The following PDE8A variants were observed in gnomAD, a reference collection of about 807,000 sequenced individuals.
The protein encoded by PDE8A is high affinity cAMP-specific and IBMX-insensitive 3',5'-cyclic phosphodiesterase 8A.
Under a neutral mutation model 105.0 loss-of-function variants are expected in PDE8A, and 59 were observed. That is an observed-to-expected ratio of 0.56 (90% confidence interval 0.46 to 0.70). The LOEUF (loss-of-function observed/expected upper bound fraction) is 0.70. Ranked by LOEUF, PDE8A falls within the 30% of genes least tolerant of loss-of-function variation. The pLI, the probability that PDE8A is intolerant of heterozygous loss-of-function variation, is 0.00. For missense variants in PDE8A, 1,014 were observed against 1,045.9 expected, an observed-to-expected ratio of 0.97 and a Z score of 0.42; for synonymous variants, 355 against 371.9, an observed-to-expected ratio of 0.95 and a Z score of 0.52.
At position 85,113,395 on chromosome 15, in the gene PDE8A, A is replaced by G. The variant is rs2082047713; in HGVS notation, c.1133A>G (p.His378Arg). ...TCCACAGTTTCCAGCCAGAGACGAC[A>G]CTCTTCCATGGCCCGGATACATTCC... is the stretch of plus-strand genomic sequence containing the variant. ...RATEVSSQRR[H>R]SSMARIHSMT... is the part of the protein sequence containing the mutation. The change falls in exon 13 of 22, where the codon CAC (histidine) becomes CGC (arginine). Residue 378 changes from histidine to arginine, a missense_variant. Transcript: ENST00000394553. 6.2e-7 allele frequency: 1 copy of G among 1,613,586 alleles called. No homozygotes were observed. The highest frequency in any genetic ancestry group is 8.5e-7 in the Non-Finnish European group (1 of 1,179,852).
intron 9 of PDE8A, chr15:85,099,780 G>A: frequency 3.9e-6 from 2 of 516,522 alleles, no homozygotes; most frequent in Non-Finnish European, 6.8e-6. Flanking sequence ...ATTGTCTCAT[G>A]ATTAATTGGG....
chr15:85,079,774 A>G (rs955260723), intron 5 of PDE8A, among the ~76,000 whole-genome samples: 2 of 152,144 alleles, frequency 1.3e-5, no homozygotes, highest in Non-Finnish European at 2.9e-5. Flanking sequence ...TTACCCGGGC[A>G]TGGTGGCGCA....
intron 21 of PDE8A, 111 bp from the exon 22 acceptor site, chr15:85,137,686 C>T (rs2082434424): frequency 7.2e-6 from 5 of 698,476 alleles, no homozygotes; most frequent in Non-Finnish European, 7.6e-6. Flanking sequence ...GTCTGTTTAG[C>T]CTCACGCAGA....
At chr15:85,115,552 G>GA (rs1324322991) in intron 15 of PDE8A, 65 bp downstream of exon 15, 2 of 819,912 alleles carry the variant, frequency 2.4e-6, no homozygotes, top group Admixed American at 3.2e-5. Context: ...CTTAAGTGAT[G>GA]AAAATAATTT....
At chr15:85,064,105 C>A in intron 1 of PDE8A, 1 of 370,658 alleles carries the variant, frequency 2.7e-6, no homozygotes, top group Non-Finnish European at 4.8e-6. Flanking sequence ...CACTTAAAGT[C>A]ACATGTAGCT....
At chr15:85,067,508 T>C (rs1205134064) in intron 3 of PDE8A, among the ~76,000 whole-genome samples, 1 of 152,212 alleles carries the variant, frequency 6.6e-6, no homozygotes, top group Non-Finnish European at 1.5e-5. Flanking sequence ...ATTATAATTT[T>C]TCAGATTGTT....
chr15:85,052,725 C>A (rs949250921), intron 1 of PDE8A, among the ~76,000 whole-genome samples: 1 of 151,950 alleles, frequency 6.6e-6, no homozygotes, highest in Non-Finnish European at 1.5e-5. Context: ...GGATATTAGC[C>A]CTTTGTCAGA....
Position 85,067,137 on chromosome 15 carries a change from A to G in PDE8A, c.367A>G (p.Lys123Glu), listed in dbSNP as rs2081242198. 1.9e-6 allele frequency: 3 copies of G among 1,614,002 alleles called. No individual in the cohort carries two copies. In the African/African-American group the frequency reaches 4.0e-5, roughly 22 times the overall value. Residue 123 changes from lysine to glutamate, a missense_variant, in exon 3 of 22, where the codon AAA (lysine) becomes GAA (glutamate). Physicochemically the swap from Lys to Glu is moderately conservative, Grantham distance 56 (BLOSUM62 1). Coordinates refer to ENST00000394553, the MANE Select transcript of PDE8A (RefSeq NM_002605.3). ...GGCTGTCCTTGCCTGTTTCCTGGAC[A>G]AACATCATGACATTATCATCATAGA... ...AQAVLACFLD[K>E]HHDIIIIDHR... is the part of the protein sequence containing the mutation.
chr15:85,078,558 AAAAAAAAAAAAAG>A lies in PDE8A; in HGVS notation c.546+1775_546+1787del, dbSNP rs1272934150. Among the ~76,000 whole-genome samples, 230 of 127,626 alleles carry A rather than the reference AAAAAAAAAAAAAG, an allele frequency of 1.8e-3. 1 individual carries two copies. The highest frequency in any genetic ancestry group is 9.8e-3 in the African/African-American group (212 of 21,554). The allele number at this position is 127,626 out of a possible 152,430, so 83.7% of individuals were successfully genotyped here. ...AGCGATACTCCATCTCAAAAAAAAA[AAAAAAAAAAAAAG>A]AAAGAAAAGAAAAGAACTTCCTAGA... On this transcript the variant is annotated intron_variant, in intron 5 of 21. Coordinates refer to ENST00000394553, the MANE Select transcript of PDE8A (RefSeq NM_002605.3).
intron 12 of PDE8A, 132 bp downstream of exon 12, chr15:85,109,262 G>C: frequency 1.9e-6 from 1 of 535,986 alleles, no homozygotes; most frequent in Non-Finnish European, 3.4e-6. Flanking sequence ...CTGGAAACTA[G>C]TGTTCCCTTT....
At chr15:85,109,493 G>T (rs1419902821) in intron 12 of PDE8A, among the ~76,000 whole-genome samples, 1 of 152,188 alleles carries the variant, frequency 6.6e-6, no homozygotes, top group African/African-American at 2.4e-5. Flanking sequence ...GAAACTTTTA[G>T]AGAGAGGTGA....
intron 1 of PDE8A, among the ~76,000 whole-genome samples, chr15:84,989,292 G>A (rs2079849769): frequency 6.6e-6 from 1 of 152,226 alleles, no homozygotes; most frequent in African/African-American, 2.4e-5. Flanking sequence ...CAATAATTTG[G>A]GATGGGGGGC....
At chr15:85,097,612 C>A (rs1341721988) in intron 8 of PDE8A, among the ~76,000 whole-genome samples, 4 of 152,188 alleles carry the variant, frequency 2.6e-5, no homozygotes, top group Admixed American at 1.3e-4. Flanking sequence ...GAGGCTAAGC[C>A]CCCTCTTCCA....
In PDE8A at chr15:85,113,936, C is replaced by T. The variant is rs755966093; in HGVS notation, c.1249C>T (p.Arg417Cys). ...CATGCCTGTGACAGAAGCCCTAGACCGTGTGCTGGAAATTCTAAGAACCAC... is the reference window on the plus strand; with the variant it reads ...CATGCCTGTGACAGAAGCCCTAGACTGTGTGCTGGAAATTCTAAGAACCAC... ...SPMPVTEALD[R>C]VLEILRTTEL... is the part of the protein sequence containing the mutation. Residue 417 changes from arginine to cysteine, a missense_variant, in exon 14 of 22, where the codon CGT becomes TGT. Coordinates refer to ENST00000394553, the MANE Select transcript of PDE8A (RefSeq NM_002605.3). 29 of 1,612,942 alleles carry T rather than the reference C, an allele frequency of 1.8e-5. No homozygotes were observed. The highest frequency in any genetic ancestry group is 4.0e-5 in the African/African-American group (3 of 74,888).
At chr15:85,109,193 C>G (rs576412158) in intron 12 of PDE8A, 63 bp downstream of exon 12, 2 of 1,096,190 alleles carry the variant, frequency 1.8e-6, no homozygotes, top group South Asian at 2.7e-5. Context: ...TGGAGCCCTG[C>G]CCTGCCTTGC....
rs1361320852 is a variant in PDE8A at position 85,126,229 on chromosome 15, T to A, written c.2108T>A (p.Val703Glu). The A allele has an allele frequency of 6.2e-7, 1 of 1,606,270 alleles. No individual in the cohort carries two copies. Among genetic ancestry groups the A allele is most frequent in the Non-Finnish European group, 8.5e-7 (1 of 1,176,980 alleles). ...CAGGAAACTGATAAAAACCAGGAAG[T>A]GATAAACACTATGCTTAGGACTCCA... Reference protein sequence around the residue: ...ENGETDKNQEVINTMLRTPEN... With the variant: ...ENGETDKNQEEINTMLRTPEN... Residue 703 changes from valine (V) to glutamate (E), a missense_variant, in exon 20 of 22, where the codon GTG becomes GAG. Val to Glu is a moderately radical substitution (Grantham distance 121). Transcript: ENST00000394553.
chr15:85,010,666 A>G (rs2080224697), intron 1 of PDE8A, among the ~76,000 whole-genome samples: 1 of 152,230 alleles, frequency 6.6e-6, no homozygotes, highest in South Asian at 2.1e-4. Flanking sequence ...TTGTCAAATG[A>G]ATGAACTGAC....
At chr15:85,044,170 A>T (rs1010960346) in intron 1 of PDE8A, among the ~76,000 whole-genome samples, 3 of 152,234 alleles carry the variant, frequency 2.0e-5, no homozygotes, top group African/African-American at 7.2e-5. Flanking sequence ...TGTGGTAACT[A>T]CTTGAAATAG....
At chr15:85,030,315 T>C (rs571512873) in intron 1 of PDE8A, among the ~76,000 whole-genome samples, 4 of 152,080 alleles carry the variant, frequency 2.6e-5, no homozygotes, top group African/African-American at 4.8e-5. Context: ...GTAGCCTCCA[T>C]TGAATCTGGC....
Sources: allele counts gnomAD v4.1 joint callset (sites outside exome capture counted in the v4.1 genomes callset), GRCh38; gene constraint gnomAD v4.1.1; transcripts MANE v1.5; gene names NCBI Gene and HGNC (gene_info 2026-07-23, HGNC 2026-07-21).